CATSPERD: variants seen among roughly 807,000 people sequenced by gnomAD.
CATSPERD encodes the protein catsper channel auxiliary subunit delta.
Under a neutral mutation model 98.1 loss-of-function variants are expected in CATSPERD, and 86 were observed. The ratio of observed to expected loss-of-function variants is 0.88; its 90% confidence interval spans 0.74 to 1.05. The LOEUF is 1.05. CATSPERD is among the 50% of genes least tolerant of loss of function. The pLI is 0.00. For missense variants in CATSPERD, 995 were observed against 1,005.7 expected (o/e 0.99, Z 0.14); for synonymous variants, 394 against 390.2 (o/e 1.01, Z -0.12).
chr19:5,768,083 C>A, intron 17 of CATSPERD, 85 bp from the exon 18 acceptor site: 1 of 1,287,904 alleles, frequency 7.8e-7, no homozygotes, highest in Non-Finnish European at 1.1e-6. Context: ...GCCACCACGC[C>A]CAGCCCCTCC....
intron 11 of CATSPERD, among the ~76,000 whole-genome samples, chr19:5,751,380 A>C (rs926551048): frequency 6.7e-6 from 1 of 150,274 alleles, no homozygotes; most frequent in East Asian, 2.0e-4. Context: ...AAAGAAAAAA[A>C]AAATTAGCCG....
chr19:5,775,360 C>T (rs1324377102), intron 20 of CATSPERD: 1 of 455,130 alleles, frequency 2.2e-6, no homozygotes, highest in Non-Finnish European at 4.6e-6. Context: ...AGGGAGGGGC[C>T]AGGCGAGGTG....
At chr19:5,726,207 G>A (rs892846937) in intron 2 of CATSPERD, among the ~76,000 whole-genome samples, 4 of 151,176 alleles carry the variant, frequency 2.6e-5, no homozygotes, top group East Asian at 4.0e-4. Flanking sequence ...GATTACAGGC[G>A]TGCGCCACCA....
intron 16 of CATSPERD, among the ~76,000 whole-genome samples, chr19:5,764,082 T>G (rs2056494415): frequency 6.6e-6 from 1 of 151,568 alleles, no homozygotes; most frequent in Admixed American, 6.6e-5. Flanking sequence ...CTCCTGACCT[T>G]AAGTGATCTG....
At position 5,771,727 on chromosome 19, in the gene CATSPERD, T is replaced by C. The variant is rs528379519; in HGVS notation, c.1763+655T>C. Among the ~76,000 whole-genome samples, 5 of 151,596 alleles carry C rather than the reference T, an allele frequency of 3.3e-5. No individual in the cohort carries two copies. In the South Asian group the frequency reaches 8.3e-4, roughly 25 times the overall value. On this transcript the variant is annotated intron_variant, in intron 19 of 21. Transcript: ENST00000381624. ...CTGGGATTACAGGCGCGTGCCACCA[T>C]GCCTGGCTAGTTTTTGTATTTTTAG... is the stretch of plus-strand genomic sequence containing the variant.
chr19:5,761,676 T>C (rs1056890947), intron 15 of CATSPERD, among the ~76,000 whole-genome samples: 2 of 150,242 alleles, frequency 1.3e-5, no homozygotes, highest in Non-Finnish European at 3.0e-5. Context: ...AGAGAGAGAA[T>C]GAGAGAGAGA....
chr19:5,736,571 G>T (rs991087737), intron 5 of CATSPERD, among the ~76,000 whole-genome samples: 40 of 151,822 alleles, frequency 2.6e-4, no homozygotes. Context: ...GCAAAAATTA[G>T]CCAGGCATGG....
At chr19:5,768,121 T>C in intron 17 of CATSPERD, 47 bp from the exon 18 acceptor site, 1 of 1,559,646 alleles carries the variant, frequency 6.4e-7, no homozygotes, top group Non-Finnish European at 8.8e-7. Context: ...AATGGTTTGG[T>C]TCTTTGTGAG....
intron 4 of CATSPERD, 151 bp from the exon 5 acceptor site, chr19:5,733,705 C>T: frequency 3.4e-6 from 2 of 592,302 alleles, no homozygotes; most frequent in East Asian, 3.0e-5. Flanking sequence ...ATCTACCCGC[C>T]TTGGCCTCCC....
rs528340857 is a variant in CATSPERD, at chr19:5,750,313, G to A, written c.987+1130G>A. Among the ~76,000 whole-genome samples the A allele has an allele frequency of 9.3e-4, 140 of 150,358 alleles. No homozygotes were observed. The South Asian group carries it at 0.01, about 11-fold the overall frequency. ...AAAAATACGAAAAAATTAGCCGGGCGTGGTGGCGGCACCTGTAGTCCCAGC... is the reference window on the plus strand; with the variant it reads ...AAAAATACGAAAAAATTAGCCGGGCATGGTGGCGGCACCTGTAGTCCCAGC... On this transcript the variant is annotated intron_variant, in intron 11 of 21. Coordinates refer to ENST00000381624, the MANE Select transcript of CATSPERD (RefSeq NM_152784.4).
chr19:5,732,424 TTTTG>T (rs932521506), intron 4 of CATSPERD, among the ~76,000 whole-genome samples: 9 of 151,084 alleles, frequency 6.0e-5, no homozygotes, highest in Non-Finnish European at 7.4e-5. Flanking sequence ...ACATGGTGTT[TTTTG>T]TTTGTTTGTT....
chr19:5,751,501 T>C lies in CATSPERD; in HGVS notation c.988-146T>C, dbSNP rs188460873. On this transcript the variant is annotated intron_variant, in intron 11 of 21. Coordinates refer to ENST00000381624, the MANE Select transcript of CATSPERD (RefSeq NM_152784.4). ...GTGAACCGAGATGGCGCCACTGCAC[T>C]CCAGCCTGGGAGACAGAGTGAGACT... is the stretch of plus-strand genomic sequence containing the variant. 602 of 524,878 alleles carry C rather than the reference T, an allele frequency of 1.1e-3. 4 individuals carry two copies. The highest frequency in any genetic ancestry group is 1.5e-3 in the Non-Finnish European group (569 of 368,666). The allele number at this position is 524,878 out of a possible 1,614,324, so 32.5% of individuals were successfully genotyped here. A position where few individuals can be genotyped will look rare whatever the true frequency, so the allele number is the denominator to read the frequency against.
In CATSPERD at chr19:5,721,143, C is replaced by T. The variant is rs537528007; in HGVS notation, c.71+335C>T. On this transcript the variant is annotated intron_variant, in intron 1 of 21. Coordinates refer to ENST00000381624, the MANE Select transcript of CATSPERD (RefSeq NM_152784.4). ...CCTCCTGAGTAGCTGGGACTACAGG[C>T]GCCTGCCACCACGCCCGGCTAATTT... 4.0e-5 allele frequency among the ~76,000 whole-genome samples: 6 copies of T among 151,730 alleles called. No individual in the cohort carries two copies. The South Asian group carries it at 1.0e-3, about 26-fold the overall frequency.
chr19:5,775,147 A>G, intron 20 of CATSPERD: 2 of 417,736 alleles, frequency 4.8e-6, no homozygotes, highest in Non-Finnish European at 9.9e-6. Flanking sequence ...TGAGACGGTC[A>G]CTACAACAGT....
At chr19:5,761,523 T>G (rs1424347999) in intron 15 of CATSPERD, among the ~76,000 whole-genome samples, 1 of 152,290 alleles carries the variant, frequency 6.6e-6, no homozygotes, top group Non-Finnish European at 1.5e-5. Flanking sequence ...TTGGGTAATT[T>G]ATAAAGAAAA....
intron 20 of CATSPERD, among the ~76,000 whole-genome samples, chr19:5,775,676 A>T (rs1295882117): frequency 1.3e-5 from 2 of 150,814 alleles, no homozygotes; most frequent in Admixed American, 6.7e-5. Context: ...AAGAAAGAAA[A>T]GAAAGAAAGA....
intron 18 of CATSPERD, among the ~76,000 whole-genome samples, chr19:5,770,456 C>T (rs1041628098): frequency 6.7e-6 from 1 of 149,750 alleles, no homozygotes; most frequent in Non-Finnish European, 1.5e-5. Flanking sequence ...AGGCAAAAAC[C>T]TCGATTACTT....
intron 5 of CATSPERD, among the ~76,000 whole-genome samples, chr19:5,735,980 C>T (rs557053958): frequency 6.8e-5 from 10 of 148,096 alleles, no homozygotes; most frequent in East Asian, 6.1e-4. Context: ...TGGGGTTTCA[C>T]GGTGTTAGCC....
At chr19:5,776,401 G>C in intron 21 of CATSPERD, 86 bp downstream of exon 21, 1 of 1,478,122 alleles carries the variant, frequency 6.8e-7, no homozygotes. Context: ...TGCAGGTCCT[G>C]GCTAAACCTG....
Sources: allele counts gnomAD v4.1 joint callset (sites outside exome capture counted in the v4.1 genomes callset), GRCh38; gene constraint gnomAD v4.1.1; transcripts MANE v1.5; gene names NCBI Gene and HGNC (gene_info 2026-07-23, HGNC 2026-07-21).